The following PGM3 variants were observed in gnomAD, a reference collection of about 807,000 sequenced individuals.
PGM3 encodes the protein phosphoacetylglucosamine mutase.
PGM3 carries 40 observed loss-of-function variants against 66.2 expected under a neutral mutation model. The ratio of observed to expected loss-of-function variants is 0.60; its 90% CI spans 0.47 to 0.79. The LOEUF (loss-of-function observed/expected upper bound fraction) is 0.79, where lower values mean the gene tolerates loss of function less well. PGM3 is among the 30% of genes least tolerant of loss of function. PGM3 has a pLI of 0.00. For missense variants in PGM3, 537 were observed against 643.4 expected (o/e 0.83, Z 1.79); for synonymous variants, 191 against 224.2 (o/e 0.85, Z 1.32).
chr6:83,190,520 T>G (rs1052484562), intron 2 of PGM3: 1 of 395,846 alleles, frequency 2.5e-6, no homozygotes, highest in African/African-American at 2.0e-5. Context: ...GAAACAATTT[T>G]CAATTACTGA....
chr6:83,175,963 GTGCCA>G lies in PGM3; in HGVS notation c.1122_1126del (p.Gly375CysfsTer4). 2 of 1,583,094 alleles carry G rather than the reference GTGCCA, an allele frequency of 1.3e-6. No homozygotes were observed. Among genetic ancestry groups the G allele is most frequent in the South Asian group, 2.2e-5 (2 of 90,420 alleles). ...CCAACTATAATTAAGAGAACTTACA[GTGCCA>G]TGCCCATTTGCTTCAAAATAAACTC... is the stretch of plus-strand genomic sequence containing the variant. On this transcript the variant is annotated frameshift_variant and splice_region_variant, in exon 9 of 13. Transcript: ENST00000513973. LOFTEE classifies it high-confidence loss of function.
intron 4 of PGM3, among the ~76,000 whole-genome samples, chr6:83,185,188 CCAATGCTTTA>C (rs1211882237): frequency 1.3e-5 from 2 of 152,294 alleles, no homozygotes; most frequent in East Asian, 3.9e-4. Context: ...ACCACTCAGA[CCAATGCTTTA>C]CAAACTGCAG....
At chr6:83,159,899 G>A (rs1196823543), downstream of PGM3, 4 of 1,614,028 alleles carry the variant, frequency 2.5e-6, no homozygotes, top group Non-Finnish European at 3.4e-6. Context: ...CTATCTCTCT[G>A]CTTGCAAATT....
At chr6:83,170,136 T>C (rs753360587) in intron 12 of PGM3, among the ~76,000 whole-genome samples, 169 bp downstream of exon 12, 2 of 152,228 alleles carry the variant, frequency 1.3e-5, no homozygotes, top group African/African-American at 4.8e-5. Context: ...TTTTGTTAAA[T>C]TGTATAATTA....
At position 83,167,499 on chromosome 6, in the gene PGM3, C is replaced by A; in HGVS notation, c.*1735G>T. The A allele has an allele frequency of 1.0e-6, 1 of 1,004,928 alleles. No homozygotes were observed. The highest frequency in any genetic ancestry group is 1.2e-6 in the Non-Finnish European group (1 of 843,344). The allele number at this position is 1,004,928 out of a possible 1,614,324, so 62.3% of individuals were successfully genotyped here. ...CTTTTTTCTGTAGTAATTTTGTGAC[C>A]TAGTCCTTGGTTACAGTAGTGAGGG... is the stretch of plus-strand genomic sequence containing the variant. On this transcript the variant is annotated 3_prime_UTR_variant, in exon 13 of 13. Coordinates refer to ENST00000513973, the MANE Select transcript of PGM3 (RefSeq NM_015599.3).
downstream of PGM3, chr6:83,162,760 C>G: frequency 6.3e-7 from 1 of 1,584,816 alleles, no homozygotes; most frequent in Non-Finnish European, 8.6e-7. Context: ...GTCTGTCTTA[C>G]TGATGCTGAT....
At chr6:83,162,787 T>C, downstream of PGM3, 1 of 1,610,750 alleles carries the variant, frequency 6.2e-7, no homozygotes, top group African/African-American at 1.3e-5. Flanking sequence ...ATTCTATACA[T>C]AGGTACCGAT....
At position 83,168,178 on chromosome 6, in the gene PGM3, T is replaced by C; in HGVS notation, c.*1056A>G. ...ATGATAAAAACTTGAGCACCATTGC[T>C]GGTTCCATTTAGCTTACATGTAAAT... On this transcript the variant is annotated 3_prime_UTR_variant, in exon 13 of 13. Coordinates refer to ENST00000513973, the MANE Select transcript of PGM3 (RefSeq NM_015599.3). The C allele has an allele frequency of 6.2e-7, 1 of 1,605,846 alleles. No homozygotes were observed. The highest frequency in any genetic ancestry group is 8.5e-7 in the Non-Finnish European group (1 of 1,176,814).
chr6:83,174,536 A>G (rs756205004), intron 9 of PGM3, 49 bp from the exon 10 acceptor site: 84 of 955,136 alleles, frequency 8.8e-5, no homozygotes, highest in South Asian at 4.1e-4. Context: ...TCCAAAACCT[A>G]GTCATAAGTA....
At chr6:83,163,177 A>T (rs915905115), downstream of PGM3, among the ~76,000 whole-genome samples, 4 of 152,304 alleles carry the variant, frequency 2.6e-5, no homozygotes, top group South Asian at 4.1e-4. Context: ...CATTAATAAC[A>T]TCTACCTTAA....
chr6:83,170,198 AAAAT>A (rs1786800664), intron 12 of PGM3, 103 bp downstream of exon 12: 2 of 1,028,236 alleles, frequency 1.9e-6, no homozygotes, highest in African/African-American at 3.2e-5. Context: ...AAGGCTCAAC[AAAAT>A]AAAGCCTTAA....
At chr6:83,163,133 A>AT (rs972231282), downstream of PGM3, among the ~76,000 whole-genome samples, 6 of 152,098 alleles carry the variant, frequency 3.9e-5, no homozygotes, top group Admixed American at 3.9e-4. Context: ...GCGGTTATTC[A>AT]TTTTTTTAAA....
At chr6:83,176,218 A>C in intron 8 of PGM3, 158 bp from the exon 9 acceptor site, 1 of 545,946 alleles carries the variant, frequency 1.8e-6, no homozygotes, top group Non-Finnish European at 3.3e-6. Flanking sequence ...TACGTATACA[A>C]TGGAAGCATG....
At position 83,187,029 on chromosome 6, in the gene PGM3, C is replaced by G. The variant is rs1270609084; in HGVS notation, c.436G>C (p.Val146Leu). The change falls in exon 4 of 13, where the codon GTT becomes CTT. Residue 146 changes from valine (V) to leucine (L), a missense_variant. Transcript: ENST00000513973. The part of the protein sequence containing the change: ...LSQSVIDGVT[V>L]LGGQFHDYGL... Reference sequence around the variant, plus strand: ...ATACCATGGAATTGACCTCCTAGAACAGTCACACCATCTATTACAGATTGT... The same window carrying G: ...ATACCATGGAATTGACCTCCTAGAAGAGTCACACCATCTATTACAGATTGT... The G allele has an allele frequency of 6.3e-7, 1 of 1,597,528 alleles. No homozygotes were observed. Among genetic ancestry groups the G allele is most frequent in the South Asian group, 1.1e-5 (1 of 90,378 alleles).
Position 83,165,742 on chromosome 6 carries a change from A to G in PGM3, c.*3492T>C, listed in dbSNP as rs1190815249. On this transcript the variant is annotated 3_prime_UTR_variant, in exon 13 of 13. Transcript: ENST00000513973. ...AGATGAGGCAAAACTTCATAGCCCA[A>G]TTAGTTCAATTTTCGAAGCGTTGGT... 1.7e-5 allele frequency: 4 copies of G among 238,294 alleles called. No individual in the cohort carries two copies. The highest frequency in any genetic ancestry group is 1.6e-4 in the Admixed American group (4 of 24,554). The allele number at this position is 238,294 out of a possible 1,614,324, so 14.8% of individuals were successfully genotyped here.
chr6:83,184,587 C>G (rs1214427697), intron 4 of PGM3, among the ~76,000 whole-genome samples: 1 of 152,058 alleles, frequency 6.6e-6, no homozygotes, highest in Admixed American at 6.5e-5. Context: ...GTATATATAC[C>G]CAGTGAAAAG....
In PGM3 at chr6:83,167,919, C is replaced by A. The variant is rs767967994; in HGVS notation, c.*1315G>T. 2.5e-6 allele frequency: 4 copies of A among 1,613,912 alleles called. No homozygotes were observed. Among genetic ancestry groups the A allele is most frequent in the Non-Finnish European group, 3.4e-6 (4 of 1,179,908 alleles). ...ATTGGGTTGGGAGCCAGGGCACTTG[C>A]TGCTCACCATCTGCACCGTGCGCAG... On this transcript the variant is annotated 3_prime_UTR_variant, in exon 13 of 13. Transcript: ENST00000513973.
At position 83,169,208 on chromosome 6, in the gene PGM3, G is replaced by A; in HGVS notation, c.*26C>T. ...TTTGTAAAGACTTGTAAAAAGTCCAGTTTCTCAGGAATATGAAAATTATCT... is the reference window on the plus strand; with the variant it reads ...TTTGTAAAGACTTGTAAAAAGTCCAATTTCTCAGGAATATGAAAATTATCT... On this transcript the variant is annotated 3_prime_UTR_variant, in exon 13 of 13. Coordinates refer to ENST00000513973, the MANE Select transcript of PGM3 (RefSeq NM_015599.3). 6.2e-7 allele frequency: 1 copy of A among 1,613,242 alleles called. No individual in the cohort carries two copies.
chr6:83,166,196 C>G lies in PGM3; in HGVS notation c.*3038G>C. On this transcript the variant is annotated 3_prime_UTR_variant, in exon 13 of 13. Coordinates refer to ENST00000513973, the MANE Select transcript of PGM3 (RefSeq NM_015599.3). ...GGCACCCATTTATTGAGCTTTTTCA[C>G]CTTTTCAATTTGCTTCAAATGCCGA... 1 of 510,142 alleles carries G rather than the reference C, an allele frequency of 2.0e-6. No individual in the cohort carries two copies. 31.6% of individuals were successfully genotyped at this position (510,142 alleles called of 1,614,324 possible). A position where few individuals can be genotyped will look rare whatever the true frequency, so the allele number is the denominator to read the frequency against.
Sources: gnomAD v4.1 joint callset for allele counts (sites outside exome capture counted in the v4.1 genomes callset) on GRCh38, gnomAD v4.1.1 for gene constraint, MANE v1.5 for transcripts, NCBI Gene and HGNC (gene_info 2026-07-23, HGNC 2026-07-21) for gene names.